The following INVS variants were observed in gnomAD, a reference collection of about 807,000 sequenced individuals.
INVS encodes inversion of embryo turning homolog.
A neutral mutation model predicts 108.8 loss-of-function variants in INVS; 86 were observed. That is an observed-to-expected ratio of 0.79 (90% CI 0.66 to 0.95). The LOEUF (loss-of-function observed/expected upper bound fraction) is 0.95. INVS is among the 40% of genes least tolerant of loss of function. The pLI, the probability that INVS is intolerant of heterozygous loss-of-function variation, is 0.00. For missense variants in INVS, 1,169 were observed against 1,297.4 expected (o/e 0.90, Z 1.52); for synonymous variants, 455 against 473.5 (o/e 0.96, Z 0.51).
At chr9:100,156,590 C>T (rs946326380) in intron 3 of INVS, among the ~76,000 whole-genome samples, 1 of 152,018 alleles carries the variant, frequency 6.6e-6, no homozygotes, top group African/African-American at 2.4e-5. Context: ...TCCTTCCCAT[C>T]CTTATTGATT....
At chr9:100,152,188 A>T (rs1295973793) in intron 3 of INVS, among the ~76,000 whole-genome samples, 3 of 151,984 alleles carry the variant, frequency 2.0e-5, no homozygotes, top group African/African-American at 7.3e-5. Flanking sequence ...TTCTCCACAG[A>T]TGATGAACAT....
intron 3 of INVS, among the ~76,000 whole-genome samples, chr9:100,208,771 AG>A (rs1306720294): frequency 6.6e-6 from 1 of 152,196 alleles, no homozygotes. Flanking sequence ...AAGGCTGGTC[AG>A]GGTCAGTAAG....
At chr9:100,145,881 T>TG (rs542334522) in intron 3 of INVS, among the ~76,000 whole-genome samples, 106 of 152,148 alleles carry the variant, frequency 7.0e-4, no homozygotes, top group Non-Finnish European at 1.3e-3. Context: ...AGGGAGAGAT[T>TG]GAAGGGTGGT....
intron 3 of INVS, among the ~76,000 whole-genome samples, chr9:100,177,196 G>A (rs1829744197): frequency 6.6e-6 from 1 of 152,052 alleles, no homozygotes; most frequent in Admixed American, 6.6e-5. Flanking sequence ...AAACCGGGCG[G>A]CCATTTGGGC....
chr9:100,270,174 T>C (rs1218861247), intron 11 of INVS, among the ~76,000 whole-genome samples: 1 of 152,172 alleles, frequency 6.6e-6, no homozygotes, highest in Non-Finnish European at 1.5e-5. Flanking sequence ...TTTGACAAAG[T>C]AGTAATTTTT....
At chr9:100,175,148 A>C (rs1362984218) in intron 3 of INVS, 1 of 378,300 alleles carries the variant, frequency 2.6e-6, no homozygotes, top group East Asian at 5.7e-5. Flanking sequence ...CCAGCTCTTA[A>C]ATTTTTTCCT....
chr9:100,203,558 A>AGT (rs1830592774), intron 3 of INVS, among the ~76,000 whole-genome samples: 1 of 137,388 alleles, frequency 7.3e-6, no homozygotes, highest in Admixed American at 7.7e-5. Context: ...GCTGGAGTGC[A>AGT]GTGGCATGAT....
At chr9:100,125,261 G>A (rs183273067) in intron 2 of INVS, among the ~76,000 whole-genome samples, 1 of 152,238 alleles carries the variant, frequency 6.6e-6, no homozygotes, top group Admixed American at 6.5e-5. Flanking sequence ...TCCTCCCAAC[G>A]GTCTCTATAG....
At chr9:100,258,958 G>A (rs570594723) in intron 10 of INVS, among the ~76,000 whole-genome samples, 14 of 152,350 alleles carry the variant, frequency 9.2e-5, no homozygotes, top group South Asian at 4.1e-4. Context: ...AGACAGGGTC[G>A]TTTAAGTCTG....
intron 10 of INVS, among the ~76,000 whole-genome samples, chr9:100,260,213 A>C: frequency 8.8e-6 from 1 of 113,626 alleles, no homozygotes; most frequent in Non-Finnish European, 1.9e-5. Context: ...TTTTGAGACA[A>C]GAGTCTCATT....
intron 3 of INVS, among the ~76,000 whole-genome samples, chr9:100,148,504 A>C (rs1354301832): frequency 6.6e-6 from 1 of 152,170 alleles, no homozygotes; most frequent in Non-Finnish European, 1.5e-5. Flanking sequence ...GGTAACTTCA[A>C]GTTTACAAAG....
intron 5 of INVS, among the ~76,000 whole-genome samples, chr9:100,239,263 A>G (rs1222234014): frequency 6.6e-6 from 1 of 152,268 alleles, no homozygotes; most frequent in East Asian, 1.9e-4. Context: ...GAAAATAGAT[A>G]ACTATATTGT....
In INVS at chr9:100,301,709, T is replaced by G. The variant is rs186247921; in HGVS notation, c.*1035T>G. 2.5e-3 allele frequency among the ~76,000 whole-genome samples: 382 copies of G among 152,278 alleles called. 1 individual carries two copies. The highest frequency in any genetic ancestry group is 8.7e-3 in the African/African-American group (361 of 41,534). ...TACTCACAGGTATTTTGGGGGTTGC[T>G]TTCATTTTCTTCAGATCAGTGCCAC... On this transcript the variant is annotated 3_prime_UTR_variant, in exon 17 of 17. Transcript: ENST00000262457.
At chr9:100,179,505 A>G (rs1200901960) in intron 3 of INVS, among the ~76,000 whole-genome samples, 1 of 152,190 alleles carries the variant, frequency 6.6e-6, no homozygotes, top group African/African-American at 2.4e-5. Flanking sequence ...AGTCTCTGAT[A>G]AAACAGACTT....
Position 100,301,139 on chromosome 9 carries a change from T to TCA in INVS, c.*504_*505dup, listed in dbSNP as rs10527613. On this transcript the variant is annotated 3_prime_UTR_variant, in exon 17 of 17. Coordinates refer to ENST00000262457, the MANE Select transcript of INVS (RefSeq NM_014425.5). ...CCTGGCATCTAATGCAACAAACTTA[T>TCA]CACACACACACACACACACACACAC... The TCA allele has an allele frequency of 0.031, 5,120 of 167,800 alleles. 103 individuals carry two copies. The highest frequency in any genetic ancestry group is 0.039 in the Non-Finnish European group (3,463 of 89,918). 10.4% of individuals were successfully genotyped at this position (167,800 alleles called of 1,614,324 possible). A position where few individuals can be genotyped will look rare whatever the true frequency, so the allele number is the denominator to read the frequency against.
At chr9:100,225,956 T>A (rs1588103035) in intron 3 of INVS, 106 bp from the exon 4 acceptor site, 1 of 741,870 alleles carries the variant, frequency 1.3e-6, no homozygotes, top group East Asian at 2.7e-5. Flanking sequence ...TCTCTGGATG[T>A]TATTACTCTA....
intron 5 of INVS, among the ~76,000 whole-genome samples, chr9:100,235,832 A>T (rs1831672448): frequency 6.6e-6 from 1 of 151,968 alleles, no homozygotes; most frequent in South Asian, 2.1e-4. Flanking sequence ...GGTGAATCTG[A>T]TGATTATGTG....
chr9:100,253,361 A>G (rs937615420), intron 10 of INVS, among the ~76,000 whole-genome samples: 3 of 152,100 alleles, frequency 2.0e-5, no homozygotes, highest in Admixed American at 6.6e-5. Context: ...AACTTTTATA[A>G]AAGATTACAT....
intron 12 of INVS, among the ~76,000 whole-genome samples, chr9:100,276,768 G>C (rs535924572): frequency 1.1e-4 from 16 of 152,242 alleles, no homozygotes; most frequent in South Asian, 4.2e-4. Flanking sequence ...GCCTCGCAAA[G>C]AGCTGGGATT....
Sources: allele counts gnomAD v4.1 joint callset (sites outside exome capture counted in the v4.1 genomes callset), GRCh38; gene constraint gnomAD v4.1.1; transcripts MANE v1.5; gene names NCBI Gene and HGNC (gene_info 2026-07-23, HGNC 2026-07-21).